MEOX2: variants seen among roughly 807,000 people sequenced by gnomAD.
MEOX2 encodes the protein mesenchyme homeobox 2.
In MEOX2, 11 loss-of-function variants were observed where a neutral mutation model predicts 27.0. That is an observed-to-expected ratio of 0.41 (90% CI 0.26 to 0.68). MEOX2 has a LOEUF of 0.68. Among genes scored for constraint, MEOX2 ranks in the 30% least tolerant of loss-of-function variants. The pLI, the probability that MEOX2 is intolerant of heterozygous loss-of-function variation, is 0.33. For synonymous variants in MEOX2, 189 were observed against 155.4 expected (o/e 1.22, Z -1.61); for missense variants, 436 against 385.4 (o/e 1.13, Z -1.10).
chr7:15,629,923 A>G (rs549839365), intron 1 of MEOX2, among the ~76,000 whole-genome samples: 11 of 152,060 alleles, frequency 7.2e-5, no homozygotes, highest in Admixed American at 7.2e-4. Flanking sequence ...TCTGTTTCCC[A>G]GCTGTTCTAA....
intron 1 of MEOX2, among the ~76,000 whole-genome samples, chr7:15,638,354 T>G (rs990744677): frequency 6.6e-6 from 1 of 152,158 alleles, no homozygotes; most frequent in African/African-American, 2.4e-5. Flanking sequence ...TATCTTTTAT[T>G]TATGTACGTT....
At chr7:15,616,459 C>G (rs1180218970) in intron 2 of MEOX2, among the ~76,000 whole-genome samples, 5 of 151,762 alleles carry the variant, frequency 3.3e-5, no homozygotes, top group Non-Finnish European at 5.9e-5. Flanking sequence ...CCAACAAAAT[C>G]TGCAAATTTA....
chr7:15,655,130 G>C (rs549554867), intron 1 of MEOX2, among the ~76,000 whole-genome samples: 115 of 151,504 alleles, frequency 7.6e-4, no homozygotes, highest in African/African-American at 2.6e-3. Context: ...TTTAAAAAGT[G>C]GGTCCATTTC....
At chr7:15,663,269 A>G (rs551948575) in intron 1 of MEOX2, among the ~76,000 whole-genome samples, 1 of 152,328 alleles carries the variant, frequency 6.6e-6, no homozygotes, top group Non-Finnish European at 1.5e-5. Context: ...ATTTTCCAAA[A>G]AGATGTAAGA....
intron 1 of MEOX2, among the ~76,000 whole-genome samples, chr7:15,631,531 T>C (rs1185026116): frequency 6.6e-6 from 1 of 151,868 alleles, no homozygotes; most frequent in East Asian, 1.9e-4. Context: ...AGAGTAACTG[T>C]ATAGCTAAAA....
At position 15,686,230 on chromosome 7, in the gene MEOX2, C is replaced by G; in HGVS notation, c.173G>C (p.Gly58Ala). Reference protein sequence around the residue: ...CIIAGYPNEEGMFASQHHRGH... With the variant: ...CIIAGYPNEEAMFASQHHRGH... Reference sequence around the variant, plus strand: ...CCTGTGATGCTGGCTGGCAAACATGCCCTCTTCGTTGGGGTATCCCGCGAT... The same window carrying G: ...CCTGTGATGCTGGCTGGCAAACATGGCCTCTTCGTTGGGGTATCCCGCGAT... The change falls in exon 1 of 3, where the codon GGC becomes GCC. Residue 58 changes from glycine (G) to alanine (A), a missense_variant. Physicochemically the swap from Gly to Ala is moderately conservative, Grantham distance 60 (BLOSUM62 0). Coordinates refer to ENST00000262041, the MANE Select transcript of MEOX2 (RefSeq NM_005924.5). 1 of 1,611,784 alleles carries G rather than the reference C, an allele frequency of 6.2e-7. No individual in the cohort carries two copies. Among genetic ancestry groups the G allele is most frequent in the South Asian group, 1.1e-5 (1 of 90,646 alleles).
chr7:15,662,365 G>A lies in MEOX2; in HGVS notation c.517+23521C>T, dbSNP rs551882340. Among the ~76,000 whole-genome samples, 46 of 151,962 alleles carry A rather than the reference G, an allele frequency of 3.0e-4. 1 individual carries two copies. Among genetic ancestry groups the A allele is most frequent in the Non-Finnish European group, 4.0e-4 (27 of 67,948 alleles). ...AACTAAAAGCAATTAAGTAGATAGG[G>A]AAGGAAAGATTGAGACAATTCTACT... On this transcript the variant is annotated intron_variant, in intron 1 of 2. Coordinates refer to ENST00000262041, the MANE Select transcript of MEOX2 (RefSeq NM_005924.5).
intron 1 of MEOX2, among the ~76,000 whole-genome samples, chr7:15,638,753 T>C (rs530590074): frequency 1.2e-4 from 19 of 152,224 alleles, no homozygotes; most frequent in African/African-American, 4.3e-4. Flanking sequence ...CTTTCTGAGT[T>C]ATTTCACTTA....
At chr7:15,623,227 G>A (rs1323597593) in intron 2 of MEOX2, among the ~76,000 whole-genome samples, 3 of 152,218 alleles carry the variant, frequency 2.0e-5, no homozygotes, top group East Asian at 1.9e-4. Flanking sequence ...GAGAGCCCTG[G>A]CATTTTGAAA....
chr7:15,639,596 G>T (rs575289858), intron 1 of MEOX2, among the ~76,000 whole-genome samples: 1 of 151,726 alleles, frequency 6.6e-6, no homozygotes, highest in East Asian at 1.9e-4. Context: ...TATAGTTTTG[G>T]GTCTTATGTT....
chr7:15,618,454 T>A (rs939148739), intron 2 of MEOX2, among the ~76,000 whole-genome samples: 1 of 152,064 alleles, frequency 6.6e-6, no homozygotes, highest in Non-Finnish European at 1.5e-5. Flanking sequence ...TTCAAACTAC[T>A]GAGACCAACT....
chr7:15,678,680 G>T (rs1283253186), intron 1 of MEOX2, among the ~76,000 whole-genome samples: 1 of 152,156 alleles, frequency 6.6e-6, no homozygotes, highest in African/African-American at 2.4e-5. Flanking sequence ...TACTGCATTT[G>T]CAAATAACTA....
intron 1 of MEOX2, among the ~76,000 whole-genome samples, chr7:15,636,852 G>C (rs1781486668): frequency 6.6e-6 from 1 of 151,936 alleles, no homozygotes; most frequent in East Asian, 1.9e-4. Flanking sequence ...AATGGCAAAA[G>C]GCAGAAGGGC....
chr7:15,649,575 A>T (rs970165059), intron 1 of MEOX2, among the ~76,000 whole-genome samples: 5 of 152,030 alleles, frequency 3.3e-5, no homozygotes, highest in African/African-American at 1.2e-4. Context: ...AAGAACAAAG[A>T]CTTTAGGTTA....
intron 2 of MEOX2, among the ~76,000 whole-genome samples, chr7:15,618,634 G>A (rs1487525834): frequency 6.6e-6 from 1 of 151,750 alleles, no homozygotes; most frequent in East Asian, 1.9e-4. Context: ...AAGAAGAGTA[G>A]AATACTGAAA....
Position 15,673,826 on chromosome 7 carries a change from T to G in MEOX2, c.517+12060A>C, listed in dbSNP as rs75852371. ...AGATGTGGAAAATCCTGTAGAAAAC[T>G]TGAATGTAGCTAAACTATAAACATT... On this transcript the variant is annotated intron_variant, in intron 1 of 2. Coordinates refer to ENST00000262041, the MANE Select transcript of MEOX2 (RefSeq NM_005924.5). Among the ~76,000 whole-genome samples the G allele has an allele frequency of 4.1e-3, 620 of 152,226 alleles. 4 individuals carry two copies. The highest frequency in any genetic ancestry group is 4.9e-3 in the Non-Finnish European group (332 of 67,976).
chr7:15,681,138 A>G (rs1583797270), intron 1 of MEOX2: 1 of 151,970 alleles, frequency 6.6e-6, no homozygotes, highest in African/African-American at 2.4e-5. Context: ...ATATTTCTGC[A>G]TCCTTAGTAT....
chr7:15,672,193 A>G lies in MEOX2; in HGVS notation c.517+13693T>C, dbSNP rs1291288679. ...TCACCAACTATTTTCGCCATTATCC[A>G]TTACTACAATGCAGATTGCTTGATA... On this transcript the variant is annotated intron_variant, in intron 1 of 2. Coordinates refer to ENST00000262041, the MANE Select transcript of MEOX2 (RefSeq NM_005924.5). Among the ~76,000 whole-genome samples, 14 of 152,200 alleles carry G rather than the reference A, an allele frequency of 9.2e-5. 1 individual carries two copies. Among genetic ancestry groups the G allele is most frequent in the Admixed American group, 9.2e-4 (14 of 15,282 alleles).
In MEOX2 at chr7:15,650,708, G is replaced by C. The variant is rs971035678; in HGVS notation, c.518-23790C>G. 3.3e-5 allele frequency among the ~76,000 whole-genome samples: 5 copies of C among 151,876 alleles called. No homozygotes were observed. In the East Asian group the frequency reaches 5.8e-4, roughly 18 times the overall value. ...GAGGGAAAAAAATTGAGTTTTTTTGGGGGGGAGACTTCTCCATACTTTTAA... is the reference window on the plus strand; with the variant it reads ...GAGGGAAAAAAATTGAGTTTTTTTGCGGGGGAGACTTCTCCATACTTTTAA... On this transcript the variant is annotated intron_variant, in intron 1 of 2. Coordinates refer to ENST00000262041, the MANE Select transcript of MEOX2 (RefSeq NM_005924.5).
Sources: gnomAD v4.1 joint callset for allele counts (sites outside exome capture counted in the v4.1 genomes callset) on GRCh38, gnomAD v4.1.1 for gene constraint, MANE v1.5 for transcripts, NCBI Gene and HGNC (gene_info 2026-07-23, HGNC 2026-07-21) for gene names.